WWOX: variants seen among roughly 807,000 people sequenced by gnomAD.
The protein encoded by WWOX is WW domain-containing oxidoreductase.
Under a neutral mutation model 46.2 loss-of-function variants are expected in WWOX, and 69 were observed. The ratio of observed to expected loss-of-function variants is 1.49; its 90% confidence interval spans 1.23 to 1.82. The LOEUF (loss-of-function observed/expected upper bound fraction) is 1.82, where lower values mean the gene tolerates loss of function less well. Among genes scored for constraint, WWOX ranks in the 40% most tolerant of loss-of-function variants. The pLI, the probability that WWOX is intolerant of heterozygous loss-of-function variation, is 0.00. For missense variants in WWOX, 919 were observed against 542.6 expected, an observed-to-expected ratio of 1.69 and a Z score of -6.89; for synonymous variants, 359 against 202.6, an observed-to-expected ratio of 1.77 and a Z score of -6.56.
intron 8 of WWOX, among the ~76,000 whole-genome samples, chr16:78,594,204 A>G (rs1006746636): frequency 6.6e-6 from 1 of 151,956 alleles, no homozygotes; most frequent in Non-Finnish European, 1.5e-5. Flanking sequence ...TTTTAACCCC[A>G]TATACGAAGC....
chr16:79,211,034 A>AATGTGTGT (rs145766375), intron 8 of WWOX, among the ~76,000 whole-genome samples: 1 of 149,602 alleles, frequency 6.7e-6, no homozygotes, highest in South Asian at 2.2e-4. Context: ...TATGGTGAGG[A>AATGTGTGT]GTGTGTGTGT....
chr16:78,719,195 C>T (rs771615248), intron 8 of WWOX, among the ~76,000 whole-genome samples: 15 of 152,172 alleles, frequency 9.9e-5, no homozygotes, highest in Non-Finnish European at 1.5e-4. Context: ...TGAACCTGAT[C>T]AACAGAAACA....
intron 8 of WWOX, among the ~76,000 whole-genome samples, chr16:78,737,537 C>T (rs907421096): frequency 2.6e-5 from 4 of 151,980 alleles, no homozygotes; most frequent in Non-Finnish European, 4.4e-5. Flanking sequence ...ACCCATCACC[C>T]GGGCAGTGTA....
chr16:78,337,506 C>T (rs72792391), intron 5 of WWOX, among the ~76,000 whole-genome samples: 2,923 of 152,198 alleles, frequency 0.019, 43 homozygotes, highest in African/African-American at 0.041. Flanking sequence ...CTATAGTTTA[C>T]ATGAGGGGCT....
chr16:78,649,275 G>T (rs1010279938), intron 8 of WWOX, among the ~76,000 whole-genome samples: 10 of 151,588 alleles, frequency 6.6e-5, no homozygotes, highest in African/African-American at 2.4e-4. Flanking sequence ...GTGAGCCACC[G>T]TGACTGACCT....
chr16:78,379,566 GC>G (rs1567536912), intron 5 of WWOX, among the ~76,000 whole-genome samples: 1 of 152,182 alleles, frequency 6.6e-6, no homozygotes, highest in Non-Finnish European at 1.5e-5. Context: ...AAAAGTCTGT[GC>G]CAGGGATTCT....
chr16:78,117,770 G>A (rs1009076238), intron 4 of WWOX, among the ~76,000 whole-genome samples: 4 of 152,146 alleles, frequency 2.6e-5, no homozygotes, highest in Non-Finnish European at 5.9e-5. Context: ...GACTTCTGGG[G>A]CATTCAGGAG....
chr16:78,380,440 G>A (rs545956616), intron 5 of WWOX, among the ~76,000 whole-genome samples: 1 of 152,226 alleles, frequency 6.6e-6, no homozygotes, highest in South Asian at 2.1e-4. Flanking sequence ...ACTGCTGTGG[G>A]GCAAGGACTG....
chr16:78,374,090 A>G (rs1567533274), intron 5 of WWOX, among the ~76,000 whole-genome samples: 2 of 152,240 alleles, frequency 1.3e-5, no homozygotes, highest in Non-Finnish European at 2.9e-5. Context: ...CCTGGCCACC[A>G]GGCATATTTT....
chr16:78,164,693 G>A (rs1264610150), intron 5 of WWOX, among the ~76,000 whole-genome samples: 3 of 152,194 alleles, frequency 2.0e-5, no homozygotes, highest in Non-Finnish European at 4.4e-5. Context: ...AGTTGATGTT[G>A]ATACGTGTCT....
At chr16:78,409,938 AG>A (rs1445447603) in intron 6 of WWOX, among the ~76,000 whole-genome samples, 3 of 152,208 alleles carry the variant, frequency 2.0e-5, no homozygotes, top group Non-Finnish European at 4.4e-5. Flanking sequence ...CCCTGTCTCA[AG>A]GTGATAGAGT....
chr16:78,885,105 C>G (rs1261874084), intron 8 of WWOX, among the ~76,000 whole-genome samples: 1 of 152,034 alleles, frequency 6.6e-6, no homozygotes, highest in African/African-American at 2.4e-5. Flanking sequence ...TCTGAAATAA[C>G]ATCTCTGTTA....
chr16:78,305,599 C>G (rs569514127), intron 5 of WWOX, among the ~76,000 whole-genome samples: 1 of 151,828 alleles, frequency 6.6e-6, no homozygotes, highest in Non-Finnish European at 1.5e-5. Flanking sequence ...TGAGCAAGAC[C>G]GTGTCATCCA....
intron 5 of WWOX, among the ~76,000 whole-genome samples, chr16:78,381,425 C>T (rs1382247474): frequency 2.0e-5 from 3 of 151,144 alleles, no homozygotes; most frequent in African/African-American, 7.4e-5. Flanking sequence ...GAGACATGCA[C>T]CTGGGTTGTT....
intron 8 of WWOX, among the ~76,000 whole-genome samples, chr16:78,802,864 C>T (rs1384033546): frequency 8.2e-6 from 1 of 121,458 alleles, no homozygotes. Flanking sequence ...TGCAGTGAGA[C>T]AAGATGATGC....
chr16:78,727,416 C>T (rs1255802501), intron 8 of WWOX, among the ~76,000 whole-genome samples: 1 of 152,154 alleles, frequency 6.6e-6, no homozygotes, highest in African/African-American at 2.4e-5. Context: ...GGGTCCTCAT[C>T]AGCGTGCCTT....
intron 8 of WWOX, among the ~76,000 whole-genome samples, chr16:78,847,476 G>T (rs1205362777): frequency 6.6e-6 from 1 of 151,974 alleles, no homozygotes; most frequent in Non-Finnish European, 1.5e-5. Context: ...CACAACAACT[G>T]GGTTTTTTCA....
intron 5 of WWOX, among the ~76,000 whole-genome samples, chr16:78,238,764 C>T (rs1777936521): frequency 6.6e-6 from 1 of 151,920 alleles, no homozygotes; most frequent in Admixed American, 6.6e-5. Context: ...GGATTACAGA[C>T]ATGTGCCACC....
At chr16:79,197,869 A>G (rs2051270970) in intron 8 of WWOX, among the ~76,000 whole-genome samples, 1 of 152,128 alleles carries the variant, frequency 6.6e-6, no homozygotes, top group African/African-American at 2.4e-5. Flanking sequence ...GTCCTGATAT[A>G]AGGCTCTCAC....
Sources: allele counts gnomAD v4.1 joint callset (sites outside exome capture counted in the v4.1 genomes callset), GRCh38; gene constraint gnomAD v4.1.1; transcripts MANE v1.5; gene names NCBI Gene and HGNC (gene_info 2026-07-23, HGNC 2026-07-21).